Variants in KARS1 observed in about 807,000 individuals in gnomAD.
The protein encoded by KARS1 is lysine--tRNA ligase.
In KARS1, 50 loss-of-function variants were observed where a neutral mutation model predicts 63.9. The ratio of observed to expected loss-of-function variants is 0.78; its 90% CI spans 0.62 to 0.99. The LOEUF (loss-of-function observed/expected upper bound fraction) is 0.99. Ranked by LOEUF, KARS1 falls within the 50% of genes least tolerant of loss-of-function variation. The probability of loss-of-function intolerance (pLI) is 0.00; values close to 1 mark genes in which losing one functional copy is unlikely to be tolerated. For synonymous variants in KARS1, 320 were observed against 264.6 expected (o/e 1.21, Z -2.03); for missense variants, 816 against 754.5 (o/e 1.08, Z -0.95).
In KARS1 at chr16:75,630,513, A is replaced by C. The variant is rs1228340996; in HGVS notation, c.1339-5T>G. 1 of 1,589,212 alleles carries C rather than the reference A, an allele frequency of 6.3e-7. No homozygotes were observed. The highest frequency in any genetic ancestry group is 1.1e-5 in the South Asian group (1 of 90,592). Reference sequence around the variant, plus strand: ...TTCCAGGAACTCCCCAACAAGCTTAATGAGAAAGCAAAGCAGAGTCAGTCA... The same window carrying C: ...TTCCAGGAACTCCCCAACAAGCTTACTGAGAAAGCAAAGCAGAGTCAGTCA... On this transcript the variant is annotated splice_region_variant and splice_polypyrimidine_tract_variant and intron_variant, in intron 10 of 13. Transcript: ENST00000302445.
At chr16:75,644,513 A>G in intron 1 of KARS1, 2 of 1,333,560 alleles carry the variant, frequency 1.5e-6, no homozygotes, top group South Asian at 1.5e-5. Flanking sequence ...CAGTATACAT[A>G]TACCCAACCA....
intron 1 of KARS1, among the ~76,000 whole-genome samples, chr16:75,642,504 T>C (rs765414386): frequency 2.1e-4 from 32 of 152,140 alleles, no homozygotes; most frequent in Admixed American, 1.0e-3. Context: ...ACCCCTCCAA[T>C]GCCAGATCTA....
rs1466102453 is a variant in KARS1 at position 75,640,265 on chromosome 16, T to C, written c.307A>G (p.Ile103Val). The C allele has an allele frequency of 1.2e-5, 19 of 1,613,592 alleles. No individual in the cohort carries two copies. The highest frequency in any genetic ancestry group is 2.2e-5 in the South Asian group (2 of 91,080). ...DPYPHKFHVD[I>V]SLTDFIQKYS... ...TTTTGGATGAAGTCAGTGAGTGAGA[T>C]GTCTACATGGAACTTGTGTGGGTAT... Residue 103 changes from isoleucine (I) to valine (V), a missense_variant, in exon 3 of 14, where the codon ATC becomes GTC. By Grantham distance (29) the Ile-to-Val change is conservative. Transcript: ENST00000302445.
At chr16:75,644,214 A>T in intron 1 of KARS1, 3 of 1,431,582 alleles carry the variant, frequency 2.1e-6, no homozygotes, top group Non-Finnish European at 2.9e-6. Flanking sequence ...CAGAGGCTTA[A>T]CGGAAAATGA....
At chr16:75,640,475 C>A in intron 2 of KARS1, 126 bp from the exon 3 acceptor site, 1 of 856,340 alleles carries the variant, frequency 1.2e-6, no homozygotes, top group South Asian at 1.4e-5. Context: ...TTAACCAAGA[C>A]CTCTGCATTA....
At chr16:75,636,293 T>C (rs2082160937) in intron 4 of KARS1, among the ~76,000 whole-genome samples, 161 bp downstream of exon 4, 1 of 152,200 alleles carries the variant, frequency 6.6e-6, no homozygotes, top group African/African-American at 2.4e-5. Flanking sequence ...GTCATTACTT[T>C]ACAGGTGACC....
chr16:75,632,149 C>G (rs778617500), intron 7 of KARS1, among the ~76,000 whole-genome samples: 4 of 152,160 alleles, frequency 2.6e-5, no homozygotes, highest in Non-Finnish European at 5.9e-5. Context: ...CTCCGCCTCC[C>G]AAAGTGCTGG....
chr16:75,631,080 C>G (rs2082106742), intron 10 of KARS1, 88 bp downstream of exon 10: 2 of 1,002,390 alleles, frequency 2.0e-6, no homozygotes, highest in South Asian at 1.4e-5. Context: ...CAGAAATGAA[C>G]TCTCCCCAGT....
chr16:75,645,653 C>A (rs1261531980), intron 1 of KARS1, among the ~76,000 whole-genome samples: 1 of 152,074 alleles, frequency 6.6e-6, no homozygotes, highest in African/African-American at 2.4e-5. Flanking sequence ...TTGACGCCAG[C>A]CTGGGCAACA....
intron 3 of KARS1, among the ~76,000 whole-genome samples, chr16:75,639,498 G>A (rs994192062): frequency 6.6e-6 from 1 of 151,618 alleles, no homozygotes; most frequent in Non-Finnish European, 1.5e-5. Flanking sequence ...CTTGAACCTG[G>A]GGGGCAGAGG....
chr16:75,632,957 G>T (rs1180724455), intron 7 of KARS1, among the ~76,000 whole-genome samples: 1 of 152,090 alleles, frequency 6.6e-6, no homozygotes, highest in Admixed American at 6.6e-5. Context: ...GAAAATAGAG[G>T]CTTCCCCAGT....
chr16:75,647,112 T>A (rs564925216), intron 1 of KARS1, among the ~76,000 whole-genome samples: 1 of 152,294 alleles, frequency 6.6e-6, no homozygotes, highest in Admixed American at 6.5e-5. Flanking sequence ...TTAGAACTGA[T>A]CCCTTTTAAT....
Position 75,629,468 on chromosome 16 carries a change from T to C in KARS1, c.1498A>G (p.Thr500Ala). 2 of 1,614,236 alleles carry C rather than the reference T, an allele frequency of 1.2e-6. No homozygotes were observed. The highest frequency in any genetic ancestry group is 1.1e-5 in the South Asian group (1 of 91,084). The stretch of plus-strand genomic sequence containing the variant: ...TGCCGCATGGGATCATTCAGCTCAG[T>C]ATACGCATTGCATATCTCTTTCTTC... ...VMKKEICNAYTELNDPMRQRQ... is the reference protein window; with the variant it reads ...VMKKEICNAYAELNDPMRQRQ... The change falls in exon 12 of 14, where the codon ACT becomes GCT. Residue 500 changes from threonine to alanine, a missense_variant. Thr to Ala is a moderately conservative substitution (Grantham distance 58). Transcript: ENST00000302445.
chr16:75,628,323 G>T (rs780624716), intron 13 of KARS1, among the ~76,000 whole-genome samples: 1 of 152,168 alleles, frequency 6.6e-6, no homozygotes, highest in Admixed American at 6.5e-5. Flanking sequence ...AATAATGCAC[G>T]GAGACTTCCC....
chr16:75,647,103 T>C (rs932300859), intron 1 of KARS1, among the ~76,000 whole-genome samples: 3 of 152,210 alleles, frequency 2.0e-5, no homozygotes, highest in Non-Finnish European at 2.9e-5. Context: ...ATGACAGTTT[T>C]AGAACTGATC....
intron 6 of KARS1, 50 bp from the exon 7 acceptor site, chr16:75,634,342 G>C (rs1222022009): frequency 6.2e-7 from 1 of 1,600,584 alleles, no homozygotes; most frequent in South Asian, 1.1e-5. Context: ...AGAGGCCTTG[G>C]GGACAGACCA....
intron 1 of KARS1, among the ~76,000 whole-genome samples, chr16:75,645,127 C>T (rs73615080): frequency 0.049 from 7,506 of 152,290 alleles, 623 homozygotes; most frequent in African/African-American, 0.17. Context: ...GAGTCAATAC[C>T]TGGCACAAAA....
intron 3 of KARS1, 146 bp from the exon 4 acceptor site, chr16:75,636,693 G>A (rs1597170298): frequency 3.5e-6 from 2 of 574,722 alleles, no homozygotes; most frequent in East Asian, 3.1e-5. Context: ...GAGTGCAGTG[G>A]CACGATCTCA....
At chr16:75,647,474 C>G in intron 1 of KARS1, 104 bp downstream of exon 1, 1 of 1,074,676 alleles carries the variant, frequency 9.3e-7, no homozygotes, top group Non-Finnish European at 1.4e-6. Flanking sequence ...CCACGAGAGC[C>G]GGCAAGAAGG....
Sources: allele counts gnomAD v4.1 joint callset (sites outside exome capture counted in the v4.1 genomes callset), GRCh38; gene constraint gnomAD v4.1.1; transcripts MANE v1.5; gene names NCBI Gene and HGNC (gene_info 2026-07-23, HGNC 2026-07-21).